LGR5: variants seen among roughly 807,000 people sequenced by gnomAD.
The protein encoded by LGR5 is leucine-rich repeat-containing G protein-coupled receptor 5.
Under a neutral mutation model 76.7 loss-of-function variants are expected in LGR5, and 54 were observed. That is an observed-to-expected ratio of 0.70 (90% confidence interval 0.57 to 0.88). The LOEUF (loss-of-function observed/expected upper bound fraction) is 0.88, where lower values mean the gene tolerates loss of function less well. Ranked by LOEUF, LGR5 falls within the 40% of genes least tolerant of loss-of-function variation. The pLI, the probability that LGR5 is intolerant of heterozygous loss-of-function variation, is 0.00. For missense variants in LGR5, 1,078 were observed against 1,073.3 expected (o/e 1.00, Z -0.06); for synonymous variants, 406 against 421.9 (o/e 0.96, Z 0.46).
intron 2 of LGR5, among the ~76,000 whole-genome samples, chr12:71,509,544 G>A (rs79240754): frequency 0.019 from 2,952 of 152,180 alleles, 112 homozygotes; most frequent in African/African-American, 0.068. Flanking sequence ...AGGAACTTCC[G>A]TTAACGCTTG....
rs1878342022 is a variant in LGR5 at position 71,566,401 on chromosome 12, T to C, written c.858-3T>C. Reference sequence around the variant, plus strand: ...TATTAATTGCTGTTTGGGTTTCTTTTAGACATTTCTATGACAATCCCATCC... The same window carrying C: ...TATTAATTGCTGTTTGGGTTTCTTTCAGACATTTCTATGACAATCCCATCC... On this transcript the variant is annotated splice_region_variant and splice_polypyrimidine_tract_variant and intron_variant, in intron 8 of 17. Transcript: ENST00000266674. 1.9e-6 allele frequency: 3 copies of C among 1,585,312 alleles called. No individual in the cohort carries two copies. Among genetic ancestry groups the C allele is most frequent in the Non-Finnish European group, 2.6e-6 (3 of 1,155,770 alleles).
chr12:71,496,434 T>C (rs973964049), intron 1 of LGR5, among the ~76,000 whole-genome samples: 1 of 146,548 alleles, frequency 6.8e-6, no homozygotes, highest in Admixed American at 6.7e-5. Context: ...TGACAACAAA[T>C]GGAAACTACT....
intron 12 of LGR5, among the ~76,000 whole-genome samples, chr12:71,572,188 T>C (rs1878641553): frequency 6.6e-6 from 1 of 150,984 alleles, no homozygotes; most frequent in East Asian, 2.0e-4. Context: ...GTTCAAGCAA[T>C]TCTCCTGCCT....
rs1873212268 is a variant in LGR5, at chr12:71,473,987, T to C, written c.213-30627T>C. Among the ~76,000 whole-genome samples, 3 of 152,156 alleles carry C rather than the reference T, an allele frequency of 2.0e-5. No homozygotes were observed. In the South Asian group the frequency reaches 6.2e-4, roughly 32 times the overall value. ...AAAAAGGATGCTGAGTGTCGAATAT[T>C]ACTGTACAAATCTCATGCACTAAAA... is the stretch of plus-strand genomic sequence containing the variant. On this transcript the variant is annotated intron_variant, in intron 1 of 17. Coordinates refer to ENST00000266674, the MANE Select transcript of LGR5 (RefSeq NM_003667.4).
chr12:71,490,918 A>C (rs911261234), intron 1 of LGR5, among the ~76,000 whole-genome samples: 1 of 152,148 alleles, frequency 6.6e-6, no homozygotes, highest in African/African-American at 2.4e-5. Context: ...TCCCCACCCA[A>C]ATCTCATCTT....
chr12:71,559,319 C>T (rs1877938678), intron 6 of LGR5, among the ~76,000 whole-genome samples: 1 of 152,340 alleles, frequency 6.6e-6, no homozygotes, highest in East Asian at 1.9e-4. Flanking sequence ...AATACTCCTG[C>T]ACACTCCCTT....
chr12:71,507,698 G>A (rs965468811), intron 2 of LGR5, among the ~76,000 whole-genome samples: 1 of 151,834 alleles, frequency 6.6e-6, no homozygotes, highest in African/African-American at 2.4e-5. Flanking sequence ...ACTAATAAAC[G>A]ACCACCCATA....
chr12:71,481,203 C>A (rs1254308985), intron 1 of LGR5, among the ~76,000 whole-genome samples: 5 of 152,088 alleles, frequency 3.3e-5, no homozygotes. Context: ...AGGTTTTAAG[C>A]CCCACATGCA....
intron 1 of LGR5, among the ~76,000 whole-genome samples, chr12:71,500,267 T>C (rs1160466194): frequency 1.3e-5 from 2 of 152,186 alleles, no homozygotes; most frequent in Admixed American, 1.3e-4. Flanking sequence ...TTAATTATCT[T>C]AAGCTTCCTC....
At chr12:71,537,887 T>C (rs766317982) in intron 4 of LGR5, among the ~76,000 whole-genome samples, 1 of 152,212 alleles carries the variant, frequency 6.6e-6, no homozygotes, top group Non-Finnish European at 1.5e-5. Flanking sequence ...CTTCTTGGAC[T>C]GGAGTCAACC....
chr12:71,546,823 A>T (rs1348819995), intron 4 of LGR5, among the ~76,000 whole-genome samples: 1 of 152,156 alleles, frequency 6.6e-6, no homozygotes, highest in Non-Finnish European at 1.5e-5. Flanking sequence ...GGAGAGGATA[A>T]GTCATTTCTT....
At chr12:71,562,986 C>T (rs977320475) in intron 8 of LGR5, among the ~76,000 whole-genome samples, 1 of 152,222 alleles carries the variant, frequency 6.6e-6, no homozygotes, top group Non-Finnish European at 1.5e-5. Flanking sequence ...TGACAATAAA[C>T]ATTAGCCCTC....
chr12:71,465,184 C>T (rs935606966), intron 1 of LGR5, among the ~76,000 whole-genome samples: 2 of 152,152 alleles, frequency 1.3e-5, no homozygotes, highest in African/African-American at 4.8e-5. Flanking sequence ...ATGAGAGATT[C>T]AATCCTGAAG....
chr12:71,483,577 T>C (rs1216417546), intron 1 of LGR5, among the ~76,000 whole-genome samples: 1 of 152,186 alleles, frequency 6.6e-6, no homozygotes, highest in Non-Finnish European at 1.5e-5. Context: ...TGGATTTCAA[T>C]GTGCAGCATA....
chr12:71,581,343 A>G (rs1406978398), intron 16 of LGR5, among the ~76,000 whole-genome samples: 2 of 152,204 alleles, frequency 1.3e-5, no homozygotes, highest in Non-Finnish European at 1.5e-5. Flanking sequence ...ACAGACAACA[A>G]TGCCTCTCAA....
chr12:71,486,967 T>G (rs1454223473), intron 1 of LGR5, among the ~76,000 whole-genome samples: 1 of 152,152 alleles, frequency 6.6e-6, no homozygotes. Context: ...TTCACTAGCA[T>G]TTAAAGAGTC....
chr12:71,515,746 A>G (rs907227392), intron 2 of LGR5, among the ~76,000 whole-genome samples: 3 of 152,220 alleles, frequency 2.0e-5, no homozygotes, highest in Admixed American at 1.3e-4. Flanking sequence ...TAAAAGTTAG[A>G]AAATAAAGCG....
intron 2 of LGR5, among the ~76,000 whole-genome samples, chr12:71,513,237 GC>G (rs1875257877): frequency 6.6e-6 from 1 of 152,188 alleles, no homozygotes; most frequent in African/African-American, 2.4e-5. Flanking sequence ...CTAAAAGAGA[GC>G]CTAGCAAAAG....
chr12:71,475,196 AAAATTAATATGGAATAATGACAC>A (rs1255869911), intron 1 of LGR5, among the ~76,000 whole-genome samples: 12 of 152,210 alleles, frequency 7.9e-5, no homozygotes, highest in Non-Finnish European at 7.3e-5. Context: ...CATCTAATTC[AAAATTAATATGGAATAATGACAC>A]AAAAATGACA....
Sources: gnomAD v4.1 joint callset for allele counts (sites outside exome capture counted in the v4.1 genomes callset) on GRCh38, gnomAD v4.1.1 for gene constraint, MANE v1.5 for transcripts, NCBI Gene and HGNC (gene_info 2026-07-23, HGNC 2026-07-21) for gene names.